Variants in DCDC1 observed in about 807,000 individuals in gnomAD.
DCDC1 encodes the protein doublecortin domain-containing protein 1.
In DCDC1, 200 loss-of-function variants were observed where a neutral mutation model predicts 178.3. The observed-to-expected ratio is 1.12, with a 90% CI of 1.00 to 1.26. The LOEUF (loss-of-function observed/expected upper bound fraction) is 1.26, where lower values mean the gene tolerates loss of function less well. DCDC1 is among the 50% of genes most tolerant of loss of function. The probability of loss-of-function intolerance (pLI) is 0.00; values close to 1 mark genes in which losing one functional copy is unlikely to be tolerated. For synonymous variants in DCDC1, 690 were observed against 604.8 expected (o/e 1.14, Z -2.07); for missense variants, 1,983 against 1,749.2 (o/e 1.13, Z -2.38).
chr11:31,016,157 T>G (rs549977570), intron 20 of DCDC1, among the ~76,000 whole-genome samples: 2 of 152,280 alleles, frequency 1.3e-5, no homozygotes, highest in South Asian at 4.1e-4. Flanking sequence ...ATGGGAATAA[T>G]AATACTTCCC....
At chr11:31,196,624 G>A in intron 9 of DCDC1, among the ~76,000 whole-genome samples, 1 of 152,026 alleles carries the variant, frequency 6.6e-6, no homozygotes, top group East Asian at 1.9e-4. Context: ...CATGCATAGG[G>A]CCAGGTATGA....
intron 20 of DCDC1, among the ~76,000 whole-genome samples, chr11:30,991,509 T>C (rs1025112335): frequency 6.6e-5 from 10 of 152,124 alleles, no homozygotes; most frequent in African/African-American, 2.4e-4. Flanking sequence ...GGCAACTGGA[T>C]CGGACAGCTC....
intron 8 of DCDC1, among the ~76,000 whole-genome samples, chr11:31,264,217 C>T (rs1053533224): frequency 2.0e-5 from 3 of 152,134 alleles, no homozygotes; most frequent in African/African-American, 7.2e-5. Flanking sequence ...TTTTATGTTA[C>T]ATTGTGGTAG....
At chr11:31,151,084 A>G (rs890425501) in intron 9 of DCDC1, among the ~76,000 whole-genome samples, 1 of 152,244 alleles carries the variant, frequency 6.6e-6, no homozygotes, top group Non-Finnish European at 1.5e-5. Context: ...ACACTGTATC[A>G]TTCAGCTCTC....
chr11:31,245,507 C>G (rs1565490334), intron 8 of DCDC1, among the ~76,000 whole-genome samples: 1 of 151,666 alleles, frequency 6.6e-6, no homozygotes, highest in Non-Finnish European at 1.5e-5. Context: ...AATTTCAAAG[C>G]ATATTTAGGA....
intron 36 of DCDC1, among the ~76,000 whole-genome samples, chr11:30,887,019 A>G (rs1943237052): frequency 6.6e-6 from 1 of 152,168 alleles, no homozygotes; most frequent in Non-Finnish European, 1.5e-5. Flanking sequence ...TATAAATTCA[A>G]TCTATGGTTA....
intron 1 of DCDC1, among the ~76,000 whole-genome samples, chr11:31,342,905 A>T (rs1255090453): frequency 6.6e-6 from 1 of 152,134 alleles, no homozygotes; most frequent in Non-Finnish European, 1.5e-5. Context: ...TATAATCCTA[A>T]CTTTCAGTGA....
intron 1 of DCDC1, among the ~76,000 whole-genome samples, chr11:31,339,624 A>G (rs1772060377): frequency 6.6e-6 from 1 of 152,224 alleles, no homozygotes; most frequent in African/African-American, 2.4e-5. Context: ...TTGCATTCAT[A>G]GTGCTTAATT....
intron 20 of DCDC1, among the ~76,000 whole-genome samples, chr11:31,032,550 C>T (rs1953720492): frequency 6.7e-6 from 1 of 149,418 alleles, no homozygotes; most frequent in Admixed American, 6.6e-5. Context: ...CATACATATG[C>T]CTCAGTAAAA....
At chr11:30,910,092 A>G (rs1314870814) in intron 28 of DCDC1, among the ~76,000 whole-genome samples, 1 of 152,226 alleles carries the variant, frequency 6.6e-6, no homozygotes, top group African/African-American at 2.4e-5. Context: ...AAAAGGGTCT[A>G]GTAGCATTAA....
chr11:31,356,922 A>G (rs1951408149), intron 1 of DCDC1, among the ~76,000 whole-genome samples: 1 of 152,204 alleles, frequency 6.6e-6, no homozygotes, highest in Non-Finnish European at 1.5e-5. Flanking sequence ...CAACAACAGG[A>G]GCTGAAATTG....
intron 9 of DCDC1, among the ~76,000 whole-genome samples, chr11:31,191,458 G>A (rs1970118893): frequency 6.6e-6 from 1 of 152,126 alleles, no homozygotes; most frequent in Admixed American, 6.6e-5. Context: ...AAGGAAGACA[G>A]AAGAGAGTCC....
At chr11:31,097,030 C>T (rs568751243) in intron 15 of DCDC1, among the ~76,000 whole-genome samples, 1 of 152,268 alleles carries the variant, frequency 6.6e-6, no homozygotes, top group Admixed American at 6.5e-5. Context: ...TCATTAAAAA[C>T]ATTTTTAAGT....
At chr11:30,906,347 A>C in intron 30 of DCDC1, 193 bp downstream of exon 30, 3 of 545,968 alleles carry the variant, frequency 5.5e-6, no homozygotes, top group Non-Finnish European at 9.4e-6. Context: ...AGTCTATTGA[A>C]CTATTAATAG....
chr11:31,364,991 T>C (rs1249999821), intron 1 of DCDC1, among the ~76,000 whole-genome samples: 1 of 152,228 alleles, frequency 6.6e-6, no homozygotes, highest in Non-Finnish European at 1.5e-5. Context: ...TAATCTATTC[T>C]ACGTATTAGT....
At chr11:30,929,055 AAT>A (rs1451540777) in intron 22 of DCDC1, among the ~76,000 whole-genome samples, 1 of 152,082 alleles carries the variant, frequency 6.6e-6, no homozygotes, top group Non-Finnish European at 1.5e-5. Context: ...TATTAAATGA[AAT>A]AGTTATCAAA....
chr11:30,867,697 A>T (rs1197091255), intron 38 of DCDC1, among the ~76,000 whole-genome samples: 1 of 152,140 alleles, frequency 6.6e-6, no homozygotes, highest in African/African-American at 2.4e-5. Flanking sequence ...TGAGATTTAA[A>T]TTGGGCTTCT....
chr11:31,352,379 T>C (rs541724616), intron 1 of DCDC1, among the ~76,000 whole-genome samples: 1 of 152,198 alleles, frequency 6.6e-6, no homozygotes, highest in Non-Finnish European at 1.5e-5. Context: ...ATTAGCATTA[T>C]GTTTTTACTA....
chr11:30,899,052 A>T (rs572715262), intron 34 of DCDC1, among the ~76,000 whole-genome samples: 1 of 152,204 alleles, frequency 6.6e-6, no homozygotes, highest in African/African-American at 2.4e-5. Context: ...TATAAAAAGG[A>T]GTCATTTTAA....
Sources: allele counts gnomAD v4.1 joint callset (sites outside exome capture counted in the v4.1 genomes callset), GRCh38; gene constraint gnomAD v4.1.1; transcripts MANE v1.5; gene names NCBI Gene and HGNC (gene_info 2026-07-23, HGNC 2026-07-21).